Variants in ITGA9 observed in about 807,000 individuals in gnomAD.
ITGA9 encodes the protein integrin alpha-9.
A neutral mutation model predicts 127.8 loss-of-function variants in ITGA9; 56 were observed. The observed-to-expected ratio is 0.44, with a 90% confidence interval of 0.35 to 0.55. The LOEUF (loss-of-function observed/expected upper bound fraction) is 0.55. ITGA9 is among the 20% of genes least tolerant of loss of function. The probability of loss-of-function intolerance (pLI) is 0.00; values close to 1 mark genes in which losing one functional copy is unlikely to be tolerated. For missense variants in ITGA9, 1,196 were observed against 1,347.1 expected, an observed-to-expected ratio of 0.89 and a Z score of 1.76; for synonymous variants, 508 against 514.5, an observed-to-expected ratio of 0.99 and a Z score of 0.17.
chr3:37,481,163 G>A (rs991042155), intron 3 of ITGA9, among the ~76,000 whole-genome samples: 1 of 152,066 alleles, frequency 6.6e-6, no homozygotes, highest in Non-Finnish European at 1.5e-5. Context: ...AGGCCTTCCC[G>A]ACCTCTGGTG....
At chr3:37,512,044 CTTTCTTTCTTTCTTTCT>C in intron 8 of ITGA9, among the ~76,000 whole-genome samples, 1 of 25,996 alleles carries the variant, frequency 3.8e-5, no homozygotes, top group East Asian at 3.2e-3. Flanking sequence ...TTCTTTCTTT[CTTTCTTTCTTTCTTTCT>C]TTCTTTCTTT....
intron 3 of ITGA9, among the ~76,000 whole-genome samples, chr3:37,479,159 G>A (rs949507381): frequency 2.0e-5 from 3 of 152,152 alleles, no homozygotes; most frequent in African/African-American, 7.2e-5. Context: ...TCAAGTTTGC[G>A]AGCCATAAGA....
intron 11 of ITGA9, among the ~76,000 whole-genome samples, chr3:37,522,909 G>A (rs1351185267): frequency 6.6e-6 from 1 of 152,142 alleles, no homozygotes; most frequent in Non-Finnish European, 1.5e-5. Flanking sequence ...AAGTGTTCAG[G>A]ACCATGGAGT....
At chr3:37,513,657 A>G (rs977959322) in intron 8 of ITGA9, 106 bp from the exon 9 acceptor site, 35 of 1,399,516 alleles carry the variant, frequency 2.5e-5, no homozygotes, top group Admixed American at 1.0e-4. Context: ...TCATTGTTCA[A>G]TTCCTCTGAG....
intron 18 of ITGA9, among the ~76,000 whole-genome samples, chr3:37,710,198 C>G (rs1359254067): frequency 1.3e-5 from 2 of 152,132 alleles, no homozygotes; most frequent in East Asian, 1.9e-4. Context: ...ATTGTTATTC[C>G]CATCTTACAG....
intron 17 of ITGA9, among the ~76,000 whole-genome samples, chr3:37,676,021 C>T (rs1258962488): frequency 6.6e-6 from 1 of 152,142 alleles, no homozygotes; most frequent in East Asian, 1.9e-4. Flanking sequence ...GGATTACAGG[C>T]ATGAGTCATC....
chr3:37,748,935 T>A (rs1575219870), intron 22 of ITGA9: 1 of 686,980 alleles, frequency 1.5e-6, no homozygotes, highest in East Asian at 2.6e-5. Context: ...ACCTCTGGAC[T>A]GTTTAAAAAA....
chr3:37,655,654 T>G (rs1347529771), intron 17 of ITGA9, among the ~76,000 whole-genome samples: 1 of 152,208 alleles, frequency 6.6e-6, no homozygotes, highest in Non-Finnish European at 1.5e-5. Context: ...GCCTGTTCAC[T>G]CTGATGATAG....
intron 23 of ITGA9, among the ~76,000 whole-genome samples, chr3:37,757,017 A>T (rs978310060): frequency 2.6e-5 from 4 of 152,024 alleles, no homozygotes; most frequent in Non-Finnish European, 5.9e-5. Flanking sequence ...GATTTAGACA[A>T]AACCAACACA....
chr3:37,569,335 A>G (rs138893651), intron 15 of ITGA9, among the ~76,000 whole-genome samples: 1 of 152,300 alleles, frequency 6.6e-6, no homozygotes, highest in East Asian at 1.9e-4. Context: ...CCTTCCCATG[A>G]TAGTGAGAAT....
At chr3:37,708,561 G>A (rs569341033) in intron 18 of ITGA9, among the ~76,000 whole-genome samples, 1 of 13,544 alleles carries the variant, frequency 7.4e-5, no homozygotes, top group East Asian at 2.0e-3. Context: ...CTAAGACACA[G>A]TTCACAACTT....
At chr3:37,537,224 G>A (rs1052813759) in intron 14 of ITGA9, among the ~76,000 whole-genome samples, 1 of 151,842 alleles carries the variant, frequency 6.6e-6, no homozygotes, top group Non-Finnish European at 1.5e-5. Context: ...GGGAGAATGG[G>A]GGGAAAATTG....
At chr3:37,816,452 C>A (rs145587328) in intron 27 of ITGA9, among the ~76,000 whole-genome samples, 17 of 152,328 alleles carry the variant, frequency 1.1e-4, no homozygotes, top group Non-Finnish European at 2.4e-4. Flanking sequence ...TGATTACATT[C>A]TCCTTCATGG....
rs377736863 is a variant in ITGA9, at chr3:37,519,295, G to T, written c.1177G>T (p.Ala393Ser). Residue 393 changes from alanine (A) to serine (S), a missense_variant, in exon 11 of 28, where the codon GCA becomes TCA. Ala to Ser is a moderately conservative substitution (Grantham distance 99). Coordinates refer to ENST00000264741, the MANE Select transcript of ITGA9 (RefSeq NM_002207.3). ...AIGAPKEDDF[A>S]GAVYIYHGDA... ...TGGTGCACCCAAGGAGGATGACTTC[G>T]CAGGGGCGGTCTATATCTATCATGG... The T allele has an allele frequency of 8.1e-6, 13 of 1,613,988 alleles. No homozygotes were observed. Among genetic ancestry groups the T allele is most frequent in the African/African-American group, 1.3e-5 (1 of 74,906 alleles).
intron 1 of ITGA9, among the ~76,000 whole-genome samples, chr3:37,469,096 G>A (rs1469648211): frequency 6.6e-6 from 1 of 152,182 alleles, no homozygotes. Context: ...ACATCTGGAG[G>A]GGAGCTTACT....
At chr3:37,470,110 T>G (rs984215697) in intron 1 of ITGA9, among the ~76,000 whole-genome samples, 6 of 151,534 alleles carry the variant, frequency 4.0e-5, no homozygotes, top group African/African-American at 1.5e-4. Flanking sequence ...CTGTCCACTC[T>G]AGCACTGATG....
Position 37,732,736 on chromosome 3 carries a change from C to G in ITGA9, c.2092C>G (p.Leu698Val), listed in dbSNP as rs771647542. Residue 698 changes from leucine to valine, a missense_variant, in exon 19 of 28, where the codon CTG becomes GTG. Transcript: ENST00000264741. ...GGAGGAGATGGGCATCTCCTGTGAG[C>G]TGCTGGAATCGGACTTCCTCAAATG... Reference protein sequence around the residue: ...QKEEMGISCELLESDFLKCSV... With the variant: ...QKEEMGISCEVLESDFLKCSV... 10 of 1,610,424 alleles carry G rather than the reference C, an allele frequency of 6.2e-6. No homozygotes were observed. Among genetic ancestry groups the G allele is most frequent in the Non-Finnish European group, 8.5e-6 (10 of 1,178,966 alleles).
At chr3:37,696,403 A>G (rs1559570499) in intron 18 of ITGA9, among the ~76,000 whole-genome samples, 1 of 152,234 alleles carries the variant, frequency 6.6e-6, no homozygotes, top group African/African-American at 2.4e-5. Flanking sequence ...CGCCTTATCT[A>G]TCTTCACTGA....
At chr3:37,714,737 G>T (rs913628592) in intron 18 of ITGA9, among the ~76,000 whole-genome samples, 9 of 152,202 alleles carry the variant, frequency 5.9e-5, no homozygotes, top group Non-Finnish European at 1.2e-4. Flanking sequence ...TCAAACTCTG[G>T]GGGTAGTCCC....
Sources: gnomAD v4.1 joint callset for allele counts (sites outside exome capture counted in the v4.1 genomes callset) on GRCh38, gnomAD v4.1.1 for gene constraint, MANE v1.5 for transcripts, NCBI Gene and HGNC (gene_info 2026-07-23, HGNC 2026-07-21) for gene names.